Variants in PCDH15 observed in about 807,000 individuals in gnomAD.
PCDH15 encodes protocadherin-15.
Under a neutral mutation model 178.5 loss-of-function variants are expected in PCDH15, and 129 were observed. The observed-to-expected ratio is 0.72, with a 90% CI of 0.63 to 0.84. The LOEUF (loss-of-function observed/expected upper bound fraction) is 0.84. Among genes scored for constraint, PCDH15 ranks in the 40% least tolerant of loss-of-function variants. The pLI is 0.00. For missense variants in PCDH15, 2,230 were observed against 2,099.9 expected (o/e 1.06, Z -1.21); for synonymous variants, 800 against 732.0 (o/e 1.09, Z -1.50).
At chr10:54,461,538 A>G (rs376864479) in intron 3 of PCDH15, among the ~76,000 whole-genome samples, 2 of 152,296 alleles carry the variant, frequency 1.3e-5, no homozygotes, top group Non-Finnish European at 1.5e-5. Flanking sequence ...CGAGCTGCCT[A>G]TAGGTCTTTA....
intron 2 of PCDH15, among the ~76,000 whole-genome samples, chr10:55,155,659 T>A (rs1272299728): frequency 6.6e-6 from 1 of 152,104 alleles, no homozygotes; most frequent in Non-Finnish European, 1.5e-5. Flanking sequence ...ACAACCATCC[T>A]TTGATATAAA....
chr10:54,780,033 G>A (rs1252306420), intron 1 of PCDH15, among the ~76,000 whole-genome samples: 2 of 152,078 alleles, frequency 1.3e-5, no homozygotes, highest in African/African-American at 2.4e-5. Flanking sequence ...ATTCTACATT[G>A]TTTAGCCCTT....
intron 1 of PCDH15, among the ~76,000 whole-genome samples, chr10:55,243,704 T>A (rs1479277676): frequency 6.6e-6 from 1 of 152,214 alleles, no homozygotes; most frequent in Non-Finnish European, 1.5e-5. Flanking sequence ...ATCAACATTC[T>A]GGCTTTAAAA....
At chr10:55,120,857 G>T in intron 2 of PCDH15, among the ~76,000 whole-genome samples, 1 of 152,142 alleles carries the variant, frequency 6.6e-6, no homozygotes, top group African/African-American at 2.4e-5. Flanking sequence ...AACTCTGTAG[G>T]TGCATAGAGT....
At chr10:54,733,013 C>G (rs895814795) in intron 1 of PCDH15, among the ~76,000 whole-genome samples, 4 of 151,474 alleles carry the variant, frequency 2.6e-5, no homozygotes, top group African/African-American at 9.7e-5. Context: ...TAAGTACTTC[C>G]TTAACCTGAT....
chr10:54,457,067 T>G (rs2076871488), intron 3 of PCDH15, among the ~76,000 whole-genome samples: 1 of 152,144 alleles, frequency 6.6e-6, no homozygotes, highest in African/African-American at 2.4e-5. Flanking sequence ...TTTTTCAGCT[T>G]TTGTTTCTTA....
intron 3 of PCDH15, among the ~76,000 whole-genome samples, chr10:54,493,697 G>C (rs905214833): frequency 6.6e-6 from 1 of 151,910 alleles, no homozygotes; most frequent in Non-Finnish European, 1.5e-5. Context: ...CAGGGATCTA[G>C]AACTAGAAAT....
At chr10:54,032,065 CCT>C (rs879345704) in intron 18 of PCDH15, among the ~76,000 whole-genome samples, 5 of 151,320 alleles carry the variant, frequency 3.3e-5, no homozygotes, top group African/African-American at 4.9e-5. Flanking sequence ...AGTTTTCCAA[CCT>C]CTTCTTACTT....
At chr10:53,951,425 T>A (rs1478182844) in intron 23 of PCDH15, among the ~76,000 whole-genome samples, 2 of 147,962 alleles carry the variant, frequency 1.4e-5, no homozygotes, top group East Asian at 4.2e-4. Flanking sequence ...TTTTAAGAAC[T>A]CTTTGTTTAG....
intron 3 of PCDH15, among the ~76,000 whole-genome samples, chr10:54,853,301 A>G (rs866589849): frequency 1.9e-4 from 23 of 120,806 alleles, no homozygotes; most frequent in Middle Eastern, 3.9e-3. Context: ...ATATATATAT[A>G]TATATATATA....
chr10:54,658,442 C>A lies in PCDH15; in HGVS notation c.91+5730G>T, dbSNP rs531931839. 3.3e-5 allele frequency among the ~76,000 whole-genome samples: 5 copies of A among 152,190 alleles called. No homozygotes were observed. In the East Asian group the frequency reaches 9.7e-4, roughly 29 times the overall value. ...CTAACAGTGGACTTCTCAGCAGCAA[C>A]CTTACAAGCCAGAAGGAATTAGAGG... is the stretch of plus-strand genomic sequence containing the variant. On this transcript the variant is annotated intron_variant, in intron 2 of 37. Transcript: ENST00000644397.
At chr10:54,311,561 G>C (rs1591735503) in intron 8 of PCDH15, among the ~76,000 whole-genome samples, 1 of 151,796 alleles carries the variant, frequency 6.6e-6, no homozygotes, top group East Asian at 1.9e-4. Context: ...AATATATCTG[G>C]GCAATAATTT....
chr10:54,749,498 T>C (rs1242513411), intron 1 of PCDH15, among the ~76,000 whole-genome samples: 3 of 152,098 alleles, frequency 2.0e-5, no homozygotes, highest in Non-Finnish European at 2.9e-5. Flanking sequence ...AGCATCCCAG[T>C]TCCTTTTGTG....
chr10:55,138,642 T>A (rs1838268183), intron 2 of PCDH15, among the ~76,000 whole-genome samples: 1 of 152,082 alleles, frequency 6.6e-6, no homozygotes, highest in African/African-American at 2.4e-5. Flanking sequence ...GAGGCAAAAA[T>A]TATATAAAAT....
intron 2 of PCDH15, among the ~76,000 whole-genome samples, chr10:54,656,912 G>A (rs2094416093): frequency 6.6e-6 from 1 of 152,176 alleles, no homozygotes; most frequent in Non-Finnish European, 1.5e-5. Context: ...ACCAGTTAAA[G>A]GCCAGCCCTT....
chr10:55,274,619 C>CT (rs1284887276), intron 1 of PCDH15, among the ~76,000 whole-genome samples: 1 of 152,064 alleles, frequency 6.6e-6, no homozygotes, highest in Non-Finnish European at 1.5e-5. Context: ...CAGCTTACCA[C>CT]TTTTTTCCAA....
intron 25 of PCDH15, among the ~76,000 whole-genome samples, chr10:53,937,530 CAATTT>C (rs1241886063): frequency 6.6e-6 from 1 of 152,106 alleles, no homozygotes. Context: ...TATTTTTAAA[CAATTT>C]AATTATGTGA....
At chr10:54,603,825 C>T (rs186531647) in intron 2 of PCDH15, among the ~76,000 whole-genome samples, 19 of 152,082 alleles carry the variant, frequency 1.2e-4, no homozygotes, top group African/African-American at 4.6e-4. Context: ...CTCTCTTCTT[C>T]CAAGATGGTC....
At chr10:54,027,962 G>A (rs1294167733) in intron 18 of PCDH15, among the ~76,000 whole-genome samples, 1 of 151,346 alleles carries the variant, frequency 6.6e-6, no homozygotes, top group Non-Finnish European at 1.5e-5. Context: ...AAACTCAAGA[G>A]CTTCTGCACA....
Sources: allele counts gnomAD v4.1 joint callset (sites outside exome capture counted in the v4.1 genomes callset), GRCh38; gene constraint gnomAD v4.1.1; transcripts MANE v1.5; gene names NCBI Gene and HGNC (gene_info 2026-07-23, HGNC 2026-07-21).